Variants in LARGE1 observed in about 807,000 individuals in gnomAD.
The protein encoded by LARGE1 is xylosyl- and glucuronyltransferase LARGE1.
LARGE1 carries 43 observed loss-of-function variants against 87.6 expected under a neutral mutation model. The ratio of observed to expected loss-of-function variants is 0.49; its 90% confidence interval spans 0.38 to 0.63. The LOEUF is 0.63. Ranked by LOEUF, LARGE1 falls within the 30% of genes least tolerant of loss-of-function variation. The pLI, the probability that LARGE1 is intolerant of heterozygous loss-of-function variation, is 0.00. For synonymous variants in LARGE1, 434 were observed against 394.6 expected, an observed-to-expected ratio of 1.10 and a Z score of -1.18; for missense variants, 802 against 1,000.2, an observed-to-expected ratio of 0.80 and a Z score of 2.67.
chr22:33,886,125 A>G (rs780263000), intron 1 of LARGE1, among the ~76,000 whole-genome samples: 2 of 152,192 alleles, frequency 1.3e-5, no homozygotes, highest in Non-Finnish European at 2.9e-5. Context: ...GTAACCACGC[A>G]GCCAAGCTGA....
intron 10 of LARGE1, among the ~76,000 whole-genome samples, chr22:33,317,094 A>T: frequency 6.6e-6 from 1 of 151,552 alleles, no homozygotes; most frequent in East Asian, 2.0e-4. Flanking sequence ...GACACCTGTA[A>T]TCCCACCTAC....
chr22:33,499,012 A>C lies in LARGE1; in HGVS notation c.787+65836T>G, dbSNP rs543476134. ...TAAATAAACAAAAAATTTAAAAAAA[A>C]ATTGAAATAAAACAGTATAAAACAG... On this transcript the variant is annotated intron_variant, in intron 6 of 14. Transcript: ENST00000397394. 3.6e-3 allele frequency among the ~76,000 whole-genome samples: 543 copies of C among 152,236 alleles called. 5 individuals are homozygous for C. Among genetic ancestry groups the C allele is most frequent in the South Asian group, 0.023 (110 of 4,824 alleles).
chr22:33,154,360 C>A, the LARGE1 span, among the ~76,000 whole-genome samples: 1 of 152,226 alleles, frequency 6.6e-6, no homozygotes, highest in Admixed American at 6.5e-5. Flanking sequence ...CCTGCCTCAG[C>A]CTCCCAAGTA....
chr22:33,103,879 T>G, the LARGE1 span, among the ~76,000 whole-genome samples: 1 of 152,176 alleles, frequency 6.6e-6, no homozygotes, highest in Non-Finnish European at 1.5e-5. Context: ...TCTCACGAGA[T>G]CTGATGGTTT....
intron 6 of LARGE1, among the ~76,000 whole-genome samples, chr22:33,450,440 A>G (rs2067862927): frequency 8.2e-6 from 1 of 122,280 alleles, no homozygotes; most frequent in South Asian, 2.7e-4. Flanking sequence ...CATCTCTACT[A>G]AAAATACAAA....
In LARGE1 at chr22:33,808,954, C is replaced by T. The variant is rs551830389; in HGVS notation, c.-82-47396G>A. Among the ~76,000 whole-genome samples, 463 of 136,084 alleles carry T rather than the reference C, an allele frequency of 3.4e-3. 2 individuals carry two copies. Among genetic ancestry groups the T allele is most frequent in the Non-Finnish European group, 5.3e-3 (335 of 62,880 alleles). 89.3% of individuals were successfully genotyped at this position (136,084 alleles called of 152,430 possible). A position where few individuals can be genotyped will look rare whatever the true frequency, so the allele number is the denominator to read the frequency against. ...AACTCAGTACATCCTTCCCTAACCC[C>T]GCCCACCCACCCCATGTATTAAAAA... On this transcript the variant is annotated intron_variant, in intron 1 of 14. Coordinates refer to ENST00000397394, the MANE Select transcript of LARGE1 (RefSeq NM_133642.5).
chr22:33,395,488 T>C (rs535248712), intron 7 of LARGE1, among the ~76,000 whole-genome samples: 1 of 152,334 alleles, frequency 6.6e-6, no homozygotes, highest in Non-Finnish European at 1.5e-5. Flanking sequence ...GAGGACTACT[T>C]GCAGGCAAGA....
chr22:33,437,373 C>T (rs1423915668), intron 6 of LARGE1, among the ~76,000 whole-genome samples: 3 of 152,192 alleles, frequency 2.0e-5, no homozygotes, highest in South Asian at 2.1e-4. Context: ...GGCTCTTCCA[C>T]TTACTAGCTA....
intron 1 of LARGE1, among the ~76,000 whole-genome samples, chr22:33,866,119 T>C (rs945376960): frequency 5.9e-5 from 9 of 152,050 alleles, no homozygotes; most frequent in Non-Finnish European, 1.3e-4. Flanking sequence ...GCCTCAGCTC[T>C]GGGTAGGCCC....
chr22:33,568,197 A>G lies in LARGE1; in HGVS notation c.616-3178T>C, dbSNP rs2078084350. On this transcript the variant is annotated intron_variant, in intron 5 of 14. Transcript: ENST00000397394. ...TGGCTGAGGCAGTGACCTTCAGCAG[A>G]GGGACACAGCCTACCTGTGGCAACG... Among the ~76,000 whole-genome samples, 3 of 152,318 alleles carry G rather than the reference A, an allele frequency of 2.0e-5. 1 individual carries two copies. The East Asian group carries it at 5.8e-4, about 29-fold the overall frequency.
intron 2 of LARGE1, among the ~76,000 whole-genome samples, chr22:33,705,939 G>A (rs2082549149): frequency 6.6e-6 from 1 of 152,184 alleles, no homozygotes; most frequent in African/African-American, 2.4e-5. Flanking sequence ...AACATGCCCA[G>A]TTTATAGATG....
chr22:33,451,189 T>C (rs2067903181), intron 6 of LARGE1, among the ~76,000 whole-genome samples: 1 of 152,134 alleles, frequency 6.6e-6, no homozygotes, highest in South Asian at 2.1e-4. Flanking sequence ...TTTGATATCC[T>C]TTCCGATGGA....
intron 1 of LARGE1, among the ~76,000 whole-genome samples, chr22:33,908,567 G>A (rs1331997310): frequency 1.3e-5 from 2 of 151,864 alleles, no homozygotes; most frequent in Non-Finnish European, 2.9e-5. Context: ...TGGGGGGTGA[G>A]ACTGCAGAGA....
At chr22:33,761,195 T>C (rs1182155240) in intron 2 of LARGE1, among the ~76,000 whole-genome samples, 176 bp downstream of exon 2, 1 of 152,008 alleles carries the variant, frequency 6.6e-6, no homozygotes, top group Non-Finnish European at 1.5e-5. Flanking sequence ...TTTTTCCCTT[T>C]TTCTCCTCAC....
the LARGE1 span, among the ~76,000 whole-genome samples, chr22:33,076,294 T>C: frequency 6.6e-6 from 1 of 152,164 alleles, no homozygotes; most frequent in Admixed American, 6.6e-5. Context: ...CCCATGTCAC[T>C]GGAGATACAC....
intron 2 of LARGE1, among the ~76,000 whole-genome samples, chr22:33,722,887 G>T (rs1217538776): frequency 6.6e-6 from 1 of 152,182 alleles, no homozygotes; most frequent in Non-Finnish European, 1.5e-5. Flanking sequence ...GGGGTCGCAA[G>T]TGGGAGTTGA....
At chr22:33,369,245 G>T (rs1213610225) in intron 9 of LARGE1, among the ~76,000 whole-genome samples, 2 of 152,186 alleles carry the variant, frequency 1.3e-5, no homozygotes, top group African/African-American at 4.8e-5. Flanking sequence ...AGAGACACAA[G>T]TCCAAAATCC....
chr22:33,490,852 A>G (rs2069809027), intron 6 of LARGE1, among the ~76,000 whole-genome samples: 1 of 152,174 alleles, frequency 6.6e-6, no homozygotes, highest in Non-Finnish European at 1.5e-5. Flanking sequence ...GAGCTGCTCC[A>G]CTTCTTGAGT....
chr22:33,817,021 C>A (rs1042429961), intron 1 of LARGE1, among the ~76,000 whole-genome samples: 10 of 152,130 alleles, frequency 6.6e-5, no homozygotes, highest in African/African-American at 1.9e-4. Context: ...TATATACAAA[C>A]ACACACATAT....
Sources: gnomAD v4.1 joint callset for allele counts (sites outside exome capture counted in the v4.1 genomes callset) on GRCh38, gnomAD v4.1.1 for gene constraint, MANE v1.5 for transcripts, NCBI Gene and HGNC (gene_info 2026-07-23, HGNC 2026-07-21) for gene names.